The following CDH4 variants were observed in gnomAD, a reference collection of about 807,000 sequenced individuals.
CDH4 encodes the protein cadherin-4.
In CDH4, 33 loss-of-function variants were observed where a neutral mutation model predicts 86.0. That is an observed-to-expected ratio of 0.38 (90% CI 0.29 to 0.51). The LOEUF (loss-of-function observed/expected upper bound fraction) is 0.51, where lower values mean the gene tolerates loss of function less well. CDH4 is among the 20% of genes least tolerant of loss of function. The pLI, the probability that CDH4 is intolerant of heterozygous loss-of-function variation, is 0.86. For missense variants in CDH4, 1,114 were observed against 1,307.4 expected, an observed-to-expected ratio of 0.85 and a Z score of 2.28; for synonymous variants, 555 against 549.4, an observed-to-expected ratio of 1.01 and a Z score of -0.14.
intron 9 of CDH4, 117 bp downstream of exon 9, chr20:61,910,724 A>AGG (rs2054842062): frequency 1.0e-6 from 1 of 986,542 alleles, no homozygotes; most frequent in African/African-American, 1.6e-5. Flanking sequence ...CTAATATCCA[A>AGG]GGGTAGAGGC....
chr20:61,828,547 G>A (rs1033939686), intron 4 of CDH4, among the ~76,000 whole-genome samples: 1 of 152,266 alleles, frequency 6.6e-6, no homozygotes, highest in Non-Finnish European at 1.5e-5. Flanking sequence ...GCTGGTGGCA[G>A]TGTGTGCCCC....
intron 2 of CDH4, among the ~76,000 whole-genome samples, chr20:61,274,286 CAT>C (rs1600823920): frequency 1.9e-5 from 2 of 102,888 alleles, no homozygotes; most frequent in East Asian, 3.0e-4. Context: ...GGGGGAGTAC[CAT>C]ATGCAGTTTG....
chr20:61,368,868 A>G (rs2084824619), intron 2 of CDH4, among the ~76,000 whole-genome samples: 1 of 152,186 alleles, frequency 6.6e-6, no homozygotes, highest in South Asian at 2.1e-4. Flanking sequence ...CCCCTTAACG[A>G]AGTAATCAAA....
In CDH4 at chr20:61,777,686, A is replaced by G. The variant is rs889845755; in HGVS notation, c.576+4504A>G. Among the ~76,000 whole-genome samples the G allele has an allele frequency of 1.3e-4, 20 of 151,080 alleles. 1 individual carries two copies. The South Asian group carries it at 3.0e-3, about 22-fold the overall frequency. On this transcript the variant is annotated intron_variant, in intron 4 of 15. Coordinates refer to ENST00000614565, the MANE Select transcript of CDH4 (RefSeq NM_001794.5). ...TACAAAGACACACACCCATACGCGC[A>G]CACACGTGCATACAAAAACACACAC...
chr20:61,838,822 TAAA>T (rs11412264), intron 4 of CDH4, among the ~76,000 whole-genome samples: 7 of 123,446 alleles, frequency 5.7e-5, no homozygotes, highest in East Asian at 2.3e-4. Context: ...AGACCCTGTC[TAAA>T]AAAAAAAAAA....
At chr20:61,689,256 A>G (rs866716406) in intron 2 of CDH4, among the ~76,000 whole-genome samples, 2 of 80,448 alleles carry the variant, frequency 2.5e-5, no homozygotes, top group African/African-American at 9.2e-5. Context: ...GTGATGTGGA[A>G]TTGGGCTGGG....
intron 2 of CDH4, among the ~76,000 whole-genome samples, chr20:61,705,955 G>A (rs973655709): frequency 1.2e-4 from 18 of 152,302 alleles, no homozygotes; most frequent in Non-Finnish European, 2.4e-4. Flanking sequence ...ATTCCACGCC[G>A]CTTCCTTCTC....
chr20:61,634,610 G>A (rs2427210), intron 2 of CDH4, among the ~76,000 whole-genome samples: 2 of 152,078 alleles, frequency 1.3e-5, no homozygotes, highest in South Asian at 2.1e-4. Context: ...GTGGCACCCA[G>A]CACTCCTGGG....
At chr20:61,328,416 C>T (rs2123255763) in intron 2 of CDH4, among the ~76,000 whole-genome samples, 1 of 152,314 alleles carries the variant, frequency 6.6e-6, no homozygotes, top group Admixed American at 6.5e-5. Context: ...ACCTTGTGAT[C>T]CACCCGCCTT....
intron 2 of CDH4, among the ~76,000 whole-genome samples, chr20:61,614,028 G>A (rs528955016): frequency 1.3e-4 from 20 of 152,140 alleles, no homozygotes; most frequent in Non-Finnish European, 2.6e-4. Flanking sequence ...TATGAGAGGA[G>A]AGGTGGCAGG....
At chr20:61,677,909 TGATA>T (rs941504224) in intron 2 of CDH4, among the ~76,000 whole-genome samples, 3 of 151,724 alleles carry the variant, frequency 2.0e-5, no homozygotes, top group Admixed American at 1.3e-4. Flanking sequence ...AAATGATAGG[TGATA>T]GATACATTAG....
intron 2 of CDH4, among the ~76,000 whole-genome samples, chr20:61,667,369 A>G (rs1266981394): frequency 6.6e-6 from 1 of 152,220 alleles, no homozygotes; most frequent in Non-Finnish European, 1.5e-5. Context: ...TGAGCCAGGG[A>G]CCACCATGAG....
intron 2 of CDH4, among the ~76,000 whole-genome samples, chr20:61,646,517 C>T (rs2080578668): frequency 6.6e-6 from 1 of 152,208 alleles, no homozygotes; most frequent in Admixed American, 6.5e-5. Flanking sequence ...CTGGGCCAGC[C>T]GTTCACCCCC....
At position 61,377,383 on chromosome 20, in the gene CDH4, C is replaced by T. The variant is rs1455342901; in HGVS notation, c.169+122446C>T. Among the ~76,000 whole-genome samples, 1 of 152,086 alleles carries T rather than the reference C, an allele frequency of 6.6e-6. No individual in the cohort carries two copies. The highest frequency in any genetic ancestry group is 1.9e-4 in the East Asian group (1 of 5,184). On this transcript the variant is annotated intron_variant, in intron 2 of 15. Coordinates refer to ENST00000614565, the MANE Select transcript of CDH4 (RefSeq NM_001794.5). This position sits in a 1 kb window ranked among gnomAD's most constrained non-coding sequence, Gnocchi z 4.0. ...CCATCGGACGGTTGAGTTGTGTGGT[C>T]CAGGGCTCTGCCGGCCCCGCCTCCT...
intron 2 of CDH4, among the ~76,000 whole-genome samples, chr20:61,722,273 C>G (rs932553952): frequency 1.3e-5 from 2 of 152,156 alleles, no homozygotes; most frequent in African/African-American, 4.8e-5. Flanking sequence ...TCTCTCAATG[C>G]TGTGGAAGGG....
chr20:61,884,627 C>T (rs758843697), intron 7 of CDH4, among the ~76,000 whole-genome samples: 11 of 152,088 alleles, frequency 7.2e-5, no homozygotes, highest in African/African-American at 1.7e-4. Flanking sequence ...GAGGGAACCT[C>T]AGAAAGGAGC....
intron 4 of CDH4, among the ~76,000 whole-genome samples, chr20:61,814,091 G>T (rs982131218): frequency 1.3e-5 from 2 of 152,202 alleles, no homozygotes; most frequent in Non-Finnish European, 2.9e-5. Flanking sequence ...TGTGCAGCGT[G>T]GGGAGGGGCT....
At chr20:61,883,107 C>T (rs1003501903) in intron 7 of CDH4, among the ~76,000 whole-genome samples, 1 of 152,094 alleles carries the variant, frequency 6.6e-6, no homozygotes, top group Non-Finnish European at 1.5e-5. Flanking sequence ...ACCCCAAGCC[C>T]ACCCCGCCTG....
intron 2 of CDH4, among the ~76,000 whole-genome samples, chr20:61,483,219 GGA>G (rs1290440853): frequency 6.6e-6 from 1 of 152,114 alleles, no homozygotes; most frequent in Non-Finnish European, 1.5e-5. Flanking sequence ...ACCCTTGAGA[GGA>G]GAGAGAGTGG....
Sources: gnomAD v4.1 joint callset for allele counts (sites outside exome capture counted in the v4.1 genomes callset) on GRCh38, gnomAD v4.1.1 for gene constraint, Gnocchi (gnomAD v3.1) non-coding constraint, MANE v1.5 for transcripts, NCBI Gene and HGNC (gene_info 2026-07-23, HGNC 2026-07-21) for gene names.